EXD3: variants seen among roughly 807,000 people sequenced by gnomAD.
The protein encoded by EXD3 is exonuclease mut-7 homolog.
EXD3 carries 92 observed loss-of-function variants against 98.0 expected under a neutral mutation model. The ratio of observed to expected loss-of-function variants is 0.94; its 90% confidence interval spans 0.79 to 1.12. The LOEUF is 1.12. Among genes scored for constraint, EXD3 ranks in the 50% most tolerant of loss-of-function variants. EXD3 has a pLI of 0.00. For missense variants in EXD3, 1,222 were observed against 1,191.6 expected (o/e 1.03, Z -0.38); for synonymous variants, 569 against 526.0 (o/e 1.08, Z -1.12).
rs547672875 is a variant in EXD3 at position 137,357,880 on chromosome 9, G to A, written c.657-1512C>T. On this transcript the variant is annotated intron_variant, in intron 7 of 21. Transcript: ENST00000340951. ...CTGAAGAACTTAGAGTCTGATGTTCGAGGGCAGGAGACGTCCAGCATGGGA... is the reference window on the plus strand; with the variant it reads ...CTGAAGAACTTAGAGTCTGATGTTCAAGGGCAGGAGACGTCCAGCATGGGA... 2.7e-3 allele frequency among the ~76,000 whole-genome samples: 418 copies of A among 152,068 alleles called. 2 individuals are homozygous for A. Among genetic ancestry groups the A allele is most frequent in the Admixed American group, 6.5e-3 (99 of 15,234 alleles).
intron 19 of EXD3, among the ~76,000 whole-genome samples, chr9:137,316,850 C>T (rs559239677): frequency 1.3e-5 from 2 of 152,296 alleles, no homozygotes; most frequent in African/African-American, 4.8e-5. Flanking sequence ...GACGGGCCTG[C>T]CTGGATGGAA....
intron 17 of EXD3, among the ~76,000 whole-genome samples, chr9:137,329,062 G>T (rs1832740840): frequency 3.2e-5 from 1 of 31,186 alleles, no homozygotes. Flanking sequence ...GGCTACACGG[G>T]AGCTACACGG....
At chr9:137,383,460 G>A in intron 2 of EXD3, 83 bp from the exon 3 acceptor site, 1 of 1,051,236 alleles carries the variant, frequency 9.5e-7, no homozygotes, top group Middle Eastern at 2.9e-4. Flanking sequence ...CCCTCCCACT[G>A]ACCCGCAATG....
chr9:137,316,294 G>C (rs2119069165), intron 19 of EXD3, among the ~76,000 whole-genome samples: 1 of 152,010 alleles, frequency 6.6e-6, no homozygotes, highest in African/African-American at 2.4e-5. Flanking sequence ...AAAAGCTAAC[G>C]GCCGCCCGCC....
In EXD3 at chr9:137,394,535, C is replaced by A. The variant is rs13284401; in HGVS notation, c.55+768G>T. Among the ~76,000 whole-genome samples the A allele has an allele frequency of 4.9e-5, 5 of 101,766 alleles. 1 individual carries two copies. Among genetic ancestry groups the A allele is most frequent in the East Asian group, 5.5e-4 (2 of 3,658 alleles). The allele number at this position is 101,766 out of a possible 152,430, so 66.8% of individuals were successfully genotyped here. On this transcript the variant is annotated intron_variant, in intron 2 of 21. Coordinates refer to ENST00000340951, the MANE Select transcript of EXD3 (RefSeq NM_017820.5). The stretch of plus-strand genomic sequence containing the variant: ...CTCCCAGCCTCCGCTTCCCTAACCC[C>A]GGCCTCCCAGCCTCCGCTTCCCTAA...
At chr9:137,348,987 G>A (rs1392729796) in intron 16 of EXD3, 123 bp downstream of exon 16, 29 of 1,202,120 alleles carry the variant, frequency 2.4e-5, no homozygotes, top group Non-Finnish European at 3.3e-5. Flanking sequence ...CTCGCTCCAG[G>A]AGCTGGGCCC....
intron 17 of EXD3, among the ~76,000 whole-genome samples, chr9:137,334,282 G>A (rs574922727): frequency 5.9e-5 from 9 of 152,302 alleles, no homozygotes; most frequent in Non-Finnish European, 1.2e-4. Context: ...GATTACAGGC[G>A]TGAGCCACTG....
intron 2 of EXD3, among the ~76,000 whole-genome samples, chr9:137,390,301 G>A (rs192577433): frequency 0.02 from 2,927 of 149,266 alleles, 43 homozygotes; most frequent in Middle Eastern, 0.045. Flanking sequence ...GAGTGGCGGC[G>A]GGCACCTGTA....
At chr9:137,320,942 C>A (rs117090694) in intron 19 of EXD3, among the ~76,000 whole-genome samples, 169 of 152,350 alleles carry the variant, frequency 1.1e-3, no homozygotes, top group Non-Finnish European at 1.9e-3. Context: ...GCAGCGGACG[C>A]GGTTCCTGCC....
intron 19 of EXD3, among the ~76,000 whole-genome samples, chr9:137,314,746 T>C (rs1019854129): frequency 6.6e-6 from 1 of 152,018 alleles, no homozygotes; most frequent in Admixed American, 6.5e-5. Flanking sequence ...TCGGGCAGCG[T>C]CGGCGGCGAG....
intron 1 of EXD3, among the ~76,000 whole-genome samples, chr9:137,409,112 C>A (rs1159440147): frequency 6.6e-6 from 1 of 152,224 alleles, no homozygotes; most frequent in Admixed American, 6.5e-5. Flanking sequence ...GGGTGAGGAT[C>A]CTGCCCCACT....
At chr9:137,373,130 G>A in intron 4 of EXD3, 58 bp from the exon 5 acceptor site, 2 of 1,498,176 alleles carry the variant, frequency 1.3e-6, no homozygotes, top group Non-Finnish European at 8.9e-7. Flanking sequence ...GGGCCATGGG[G>A]CCGATTGAGG....
intron 7 of EXD3, chr9:137,365,900 CACAT>C (rs1835221340): frequency 7.6e-6 from 3 of 395,788 alleles, no homozygotes; most frequent in South Asian, 3.9e-5. Context: ...TGCAGGCACA[CACAT>C]ACATGCACAC....
At chr9:137,365,625 GCA>G (rs772179077) in intron 7 of EXD3, 8 of 190,812 alleles carry the variant, frequency 4.2e-5, no homozygotes, top group Non-Finnish European at 6.3e-5. Context: ...ACACCTGCAG[GCA>G]CACACACGTG....
At chr9:137,384,409 T>C (rs79177750) in intron 2 of EXD3, among the ~76,000 whole-genome samples, 3,067 of 152,274 alleles carry the variant, frequency 0.02, 107 homozygotes, top group African/African-American at 0.069. Context: ...ACAGAGCAAG[T>C]GTTCTAAAAT....
chr9:137,330,573 GCTACACAGGA>G lies in EXD3; in HGVS notation c.1999-6440_1999-6431del, dbSNP rs1324159488. ...AGGAGCTACACAGGGCTCCACAGGAGCTACACAGGACTACACAGGACTACACAGGACTACA... is the reference window on the plus strand; with the variant it reads ...AGGAGCTACACAGGGCTCCACAGGAGCTACACAGGACTACACAGGACTACA... On this transcript the variant is annotated intron_variant, in intron 17 of 21. Transcript: ENST00000340951. Among the ~76,000 whole-genome samples the G allele has an allele frequency of 8.6e-4, 53 of 61,456 alleles. 4 individuals carry two copies. Among genetic ancestry groups the G allele is most frequent in the South Asian group, 2.9e-3 (5 of 1,744 alleles). The allele number at this position is 61,456 out of a possible 152,430, so 40.3% of individuals were successfully genotyped here.
chr9:137,338,066 C>T (rs944234072), intron 17 of EXD3, among the ~76,000 whole-genome samples: 20 of 152,276 alleles, frequency 1.3e-4, no homozygotes, highest in East Asian at 9.6e-4. Context: ...GGATTACAGG[C>T]GTGAGCCACT....
intron 17 of EXD3, among the ~76,000 whole-genome samples, chr9:137,346,993 T>C (rs943552688): frequency 3.9e-5 from 6 of 152,068 alleles, no homozygotes; most frequent in African/African-American, 1.4e-4. Flanking sequence ...TTTTTGTATT[T>C]TTAGGAGAGA....
At chr9:137,373,250 CAG>C (rs1485346682) in intron 4 of EXD3, among the ~76,000 whole-genome samples, 174 bp downstream of exon 4, 1 of 151,348 alleles carries the variant, frequency 6.6e-6, no homozygotes, top group Admixed American at 6.6e-5. Flanking sequence ...ACGTGACTGT[CAG>C]GGGGCAGAGG....
Sources: gnomAD v4.1 joint callset for allele counts (sites outside exome capture counted in the v4.1 genomes callset) on GRCh38, gnomAD v4.1.1 for gene constraint, MANE v1.5 for transcripts, NCBI Gene and HGNC (gene_info 2026-07-23, HGNC 2026-07-21) for gene names.